HK3: variants seen among roughly 807,000 people sequenced by gnomAD.
The protein encoded by HK3 is hexokinase-3.
A neutral mutation model predicts 91.0 loss-of-function variants in HK3; 93 were observed. The ratio of observed to expected loss-of-function variants is 1.02; its 90% CI spans 0.86 to 1.21. The LOEUF (loss-of-function observed/expected upper bound fraction) is 1.21. Among genes scored for constraint, HK3 ranks in the 50% most tolerant of loss-of-function variants. The pLI is 0.00. For synonymous variants in HK3, 519 were observed against 516.9 expected (o/e 1.00, Z -0.06); for missense variants, 1,235 against 1,247.4 (o/e 0.99, Z 0.15).
intron 13 of HK3, among the ~76,000 whole-genome samples, chr5:176,886,277 G>A (rs1758581984): frequency 6.6e-6 from 1 of 151,928 alleles, no homozygotes; most frequent in African/African-American, 2.4e-5. Context: ...CAGAGCAGGA[G>A]CAGGGGGTGA....
In HK3 at chr5:176,881,753, G is replaced by C. The variant is rs768765303; in HGVS notation, c.2332C>G (p.Gln778Glu). ...TCCCTGGTCTGAAGGCGCTGGATCT[G>C]CTGGCCCCGGAAGAGAACGCCAAGG... is the stretch of plus-strand genomic sequence containing the variant. ...TSLGVLFRGQ[Q>E]IQRLQTRDIF... The change falls in exon 17 of 19, where the codon CAG becomes GAG. Residue 778 changes from glutamine (Q) to glutamate (E), a missense_variant. By Grantham distance (29) the Gln-to-Glu change is conservative (BLOSUM62 2). Transcript: ENST00000292432. 1 of 1,614,070 alleles carries C rather than the reference G, an allele frequency of 6.2e-7. No homozygotes were observed. Among genetic ancestry groups the C allele is most frequent in the Non-Finnish European group, 8.5e-7 (1 of 1,180,044 alleles).
intron 13 of HK3, 55 bp downstream of exon 13, chr5:176,886,945 GAA>G: frequency 6.2e-7 from 1 of 1,602,948 alleles, no homozygotes; most frequent in Non-Finnish European, 8.5e-7. Flanking sequence ...CCCACTCCAT[GAA>G]GGGTATGTGG....
At chr5:176,885,738 T>C (rs888961137) in intron 13 of HK3, among the ~76,000 whole-genome samples, 1 of 151,792 alleles carries the variant, frequency 6.6e-6, no homozygotes, top group African/African-American at 2.4e-5. Flanking sequence ...AGAAATTAAG[T>C]TCAGTTACAG....
chr5:176,883,898 T>C, intron 14 of HK3, 29 bp from the exon 15 acceptor site: 6 of 1,610,876 alleles, frequency 3.7e-6, no homozygotes, highest in Non-Finnish European at 5.1e-6. Context: ...TGCTAGTTGC[T>C]GGGCAACGCG....
In HK3 at chr5:176,889,512, C is replaced by T; in HGVS notation, c.783G>A (p.Leu261=). The T allele has an allele frequency of 1.2e-6, 2 of 1,614,198 alleles. No individual in the cohort carries two copies. The highest frequency in any genetic ancestry group is 1.7e-6 in the Non-Finnish European group (2 of 1,180,032). ...CGCAGACGCGGCCCCGGTCTTCGTC[C>T]AGCACTGCCACATGCCGTGCCTCCT... ...YMEEARHVAV[L]DEDRGRVCVS... is the part of the protein sequence containing the mutation. The change falls in exon 8 of 19, where the codon CTG becomes CTA. Residue 261 remains leucine, a synonymous_variant. Transcript: ENST00000292432.
intron 17 of HK3, 70 bp from the exon 18 acceptor site, chr5:176,881,605 G>C: frequency 6.3e-7 from 1 of 1,590,746 alleles, no homozygotes; most frequent in Non-Finnish European, 8.6e-7. Flanking sequence ...CTCCAGAGCA[G>C]ACCTCGTCAC....
Position 176,891,209 on chromosome 5 carries a change from C to T in HK3, c.260-18G>A. The stretch of plus-strand genomic sequence containing the variant: ...TCCTTGCTCTGGAGGGCAAGCAGGT[C>T]ACAGAAAGCCATGCAGCTGGCAAGA... On this transcript the variant is annotated intron_variant, in intron 3 of 18. Coordinates refer to ENST00000292432, the MANE Select transcript of HK3 (RefSeq NM_002115.3). 1 of 1,614,040 alleles carries T rather than the reference C, an allele frequency of 6.2e-7. No individual in the cohort carries two copies. The highest frequency in any genetic ancestry group is 1.3e-5 in the African/African-American group (1 of 75,056).
At chr5:176,894,900 CCGAG>C (rs1758869249) in intron 2 of HK3, among the ~76,000 whole-genome samples, 2 of 151,150 alleles carry the variant, frequency 1.3e-5, no homozygotes. Context: ...CCTCGGCCTC[CCGAG>C]TGGCTGGGAC....
At chr5:176,894,192 T>A (rs1294469369) in intron 2 of HK3, among the ~76,000 whole-genome samples, 1 of 152,068 alleles carries the variant, frequency 6.6e-6, no homozygotes. Flanking sequence ...CCCTCTCTGA[T>A]GACAAAGAGA....
intron 6 of HK3, 115 bp downstream of exon 6, chr5:176,890,520 A>T: frequency 7.1e-6 from 6 of 848,400 alleles, no homozygotes; most frequent in Admixed American, 1.8e-5. Flanking sequence ...GTTAAACTGG[A>T]TGGAGGACAT....
intron 3 of HK3, 22 bp downstream of exon 3, chr5:176,891,366 C>A (rs747562408): frequency 1.9e-6 from 3 of 1,609,998 alleles, no homozygotes; most frequent in Non-Finnish European, 1.7e-6. Context: ...CCTGGCCACG[C>A]ATCTCAATCT....
chr5:176,889,055 T>C (rs1758686000), intron 8 of HK3, among the ~76,000 whole-genome samples, 191 bp from the exon 9 acceptor site: 1 of 151,980 alleles, frequency 6.6e-6, no homozygotes, highest in Non-Finnish European at 1.5e-5. Context: ...CTGACATAGG[T>C]TACATTCAGA....
At position 176,887,769 on chromosome 5, in the gene HK3, C is replaced by A. The variant is rs777023791; in HGVS notation, c.1305-23G>T. On this transcript the variant is annotated intron_variant, in intron 10 of 18. Coordinates refer to ENST00000292432, the MANE Select transcript of HK3 (RefSeq NM_002115.3). This position sits in a 1 kb window ranked among gnomAD's most constrained non-coding sequence, Gnocchi z 4.9. ...AACCTACAGATACATACAGGTGCAC[C>A]CGGCTTGGCCCTGGACCCCCAGACA... 1.3e-6 allele frequency: 2 copies of A among 1,579,552 alleles called. No homozygotes were observed. The highest frequency in any genetic ancestry group is 1.7e-6 in the Non-Finnish European group (2 of 1,158,762).
intron 13 of HK3, 46 bp downstream of exon 13, chr5:176,886,956 G>T (rs368574792): frequency 7.5e-6 from 12 of 1,609,752 alleles, no homozygotes; most frequent in Non-Finnish European, 1.0e-5. Context: ...AAGGGTATGT[G>T]GGGGCAGGAG....
intron 15 of HK3, 143 bp downstream of exon 15, chr5:176,883,627 C>G: frequency 1.5e-6 from 1 of 646,746 alleles, no homozygotes; most frequent in Non-Finnish European, 2.7e-6. Flanking sequence ...ACTGCCAGCC[C>G]AAGAGATTGT....
At position 176,887,205 on chromosome 5, in the gene HK3, T is replaced by C. The variant is rs61749651; in HGVS notation, c.1733A>G (p.Gln578Arg). The change falls in exon 12 of 19, where the codon CAG becomes CGG. Residue 578 changes from glutamine to arginine, a missense_variant. Gln to Arg is a conservative substitution (Grantham distance 43, BLOSUM62 1). This residue lies in a region of HK3 where 513 missense variants were observed against 477.4 expected (regional missense o/e 1.07). Transcript: ENST00000292432. This position sits in a 1 kb window ranked among gnomAD's most constrained non-coding sequence, Gnocchi z 4.9. ...IPETVAQGSG[Q>R]QLFDHIVDCI... ...CAAGGTTCAGGCTGTGGGTACCTGC[T>C]GCCCAGAACCCTGGGCCACAGTCTC... The C allele has an allele frequency of 0.014, 22,716 of 1,614,054 alleles. 268 individuals are homozygous for C. The highest frequency in any genetic ancestry group is 0.052 in the Middle Eastern group (318 of 6,060).
rs201441728 is a variant in HK3 at position 176,882,176 on chromosome 5, G to A, written c.2054-49C>T. 1.5e-4 allele frequency: 246 copies of A among 1,595,454 alleles called. 1 individual carries two copies. In the African/African-American group the frequency reaches 3.1e-3, roughly 20 times the overall value. ...GAAGCTACTTACTGATGTAGACAAG[G>A]ACCCTCTGAGCACTTCCCATACCGA... On this transcript the variant is annotated intron_variant, in intron 15 of 18. Transcript: ENST00000292432.
intron 2 of HK3, among the ~76,000 whole-genome samples, chr5:176,893,414 G>C (rs2149377732): frequency 6.6e-6 from 1 of 152,324 alleles, no homozygotes; most frequent in South Asian, 2.1e-4. Context: ...TCCTGGGAAA[G>C]TCACACCTCT....
rs1054180640 is a variant in HK3, at chr5:176,883,072, C to T, written c.2053+698G>A. Among the ~76,000 whole-genome samples, 5 of 152,236 alleles carry T rather than the reference C, an allele frequency of 3.3e-5. 1 individual carries two copies. Among genetic ancestry groups the T allele is most frequent in the African/African-American group, 1.2e-4 (5 of 41,460 alleles). ...CACTCATCCTGGGACCCACTCCTTC[C>T]TGATCTTGGCCTCGCTGCTGCCCAC... On this transcript the variant is annotated intron_variant, in intron 15 of 18. Coordinates refer to ENST00000292432, the MANE Select transcript of HK3 (RefSeq NM_002115.3).
Sources: allele counts gnomAD v4.1 joint callset (sites outside exome capture counted in the v4.1 genomes callset), GRCh38; gene constraint gnomAD v4.1.1; regional missense constraint gnomAD v4.1.1; non-coding constraint Gnocchi (gnomAD v3.1); transcripts MANE v1.5; gene names NCBI Gene and HGNC (gene_info 2026-07-23, HGNC 2026-07-21).